TRDMT1: variants seen among roughly 807,000 people sequenced by gnomAD.
TRDMT1 encodes the protein tRNA aspartic acid methyltransferase 1.
A neutral mutation model predicts 51.2 loss-of-function variants in TRDMT1; 49 were observed. That is an observed-to-expected ratio of 0.96 (90% confidence interval 0.76 to 1.21). The LOEUF (loss-of-function observed/expected upper bound fraction) is 1.21. Among genes scored for constraint, TRDMT1 ranks in the 50% most tolerant of loss-of-function variants. TRDMT1 has a pLI of 0.00. For missense variants in TRDMT1, 534 were observed against 462.3 expected (o/e 1.16, Z -1.42); for synonymous variants, 187 against 164.6 (o/e 1.14, Z -1.04).
chr10:17,160,637 A>AT (rs1160098227), intron 5 of TRDMT1, among the ~76,000 whole-genome samples: 4 of 151,728 alleles, frequency 2.6e-5, no homozygotes, highest in Admixed American at 6.6e-5. Flanking sequence ...CGCCTGGCTA[A>AT]TTTTTTTGTA....
rs1837678091 is a variant in TRDMT1, at chr10:17,141,417, C to T, written c.*7623G>A. On this transcript the variant is annotated 3_prime_UTR_variant, in exon 11 of 11. Coordinates refer to ENST00000377799, the MANE Select transcript of TRDMT1 (RefSeq NM_004412.7). ...CCTTATGATCTGCCCCCCTTCGCCT[C>T]CTAAAGTGCTGGGATTACAGGTGTC... is the stretch of plus-strand genomic sequence containing the variant. Among the ~76,000 whole-genome samples, 1 of 152,152 alleles carries T rather than the reference C, an allele frequency of 6.6e-6. No homozygotes were observed. Among genetic ancestry groups the T allele is most frequent in the East Asian group, 1.9e-4 (1 of 5,200 alleles).
At chr10:17,169,496 C>T in intron 2 of TRDMT1, 1 of 1,289,736 alleles carries the variant, frequency 7.8e-7, no homozygotes, top group Non-Finnish European at 1.0e-6. Flanking sequence ...AAAAGAATTC[C>T]TAATGGGCTA....
intron 1 of TRDMT1, among the ~76,000 whole-genome samples, chr10:17,195,507 G>A (rs902401537): frequency 6.6e-6 from 1 of 152,064 alleles, no homozygotes; most frequent in Non-Finnish European, 1.5e-5. Flanking sequence ...ACTATGCTCA[G>A]TGCCTGGGTG....
intron 1 of TRDMT1, among the ~76,000 whole-genome samples, chr10:17,189,143 C>G (rs1564338018): frequency 6.6e-6 from 1 of 152,130 alleles, no homozygotes; most frequent in East Asian, 1.9e-4. Context: ...AGGCCATACT[C>G]TCTTTCTGAA....
rs1232406263 is a variant in TRDMT1 at position 17,160,300 on chromosome 10, C to G, written c.459+5G>C. 2 of 1,513,804 alleles carry G rather than the reference C, an allele frequency of 1.3e-6. No individual in the cohort carries two copies. Among genetic ancestry groups the G allele is most frequent in the Non-Finnish European group, 8.9e-7 (1 of 1,129,782 alleles). 93.8% of individuals were successfully genotyped at this position (1,513,804 alleles called of 1,614,324 possible). ...TATATAAGCATTTATAACTGTGATA[C>G]CTACAGAGGTTGGAGATAATAGAAA... is the stretch of plus-strand genomic sequence containing the variant. On this transcript the variant is annotated splice_donor_5th_base_variant and intron_variant, in intron 6 of 10. Coordinates refer to ENST00000377799, the MANE Select transcript of TRDMT1 (RefSeq NM_004412.7).
In TRDMT1 at chr10:17,140,577, G is replaced by T. The variant is rs981695568; in HGVS notation, c.*8463C>A. ...GAGGAAAAAAGTCAGCAGGGGAGGG[G>T]ATTATATTACATAGCATCAAGATGC... On this transcript the variant is annotated 3_prime_UTR_variant, in exon 11 of 11. Coordinates refer to ENST00000377799, the MANE Select transcript of TRDMT1 (RefSeq NM_004412.7). Among the ~76,000 whole-genome samples the T allele has an allele frequency of 6.6e-6, 1 of 152,080 alleles. No individual in the cohort carries two copies.
At chr10:17,200,873 C>T (rs1846064593) in intron 1 of TRDMT1, among the ~76,000 whole-genome samples, 1 of 152,126 alleles carries the variant, frequency 6.6e-6, no homozygotes, top group South Asian at 2.1e-4. Context: ...CAGGCACTAA[C>T]AAGCACTTGA....
At chr10:17,188,393 A>T (rs1310109993) in intron 1 of TRDMT1, among the ~76,000 whole-genome samples, 1 of 152,172 alleles carries the variant, frequency 6.6e-6, no homozygotes, top group Non-Finnish European at 1.5e-5. Flanking sequence ...ATTTTCAGCA[A>T]GTATTTCCTG....
chr10:17,158,191 T>C (rs938783034), intron 7 of TRDMT1, among the ~76,000 whole-genome samples: 2 of 152,070 alleles, frequency 1.3e-5, no homozygotes, highest in African/African-American at 2.4e-5. Context: ...AACCAAAACA[T>C]AGCTATGATC....
Position 17,148,346 on chromosome 10 carries a change from A to G in TRDMT1, c.*694T>C. On this transcript the variant is annotated 3_prime_UTR_variant, in exon 11 of 11. Coordinates refer to ENST00000377799, the MANE Select transcript of TRDMT1 (RefSeq NM_004412.7). ...GAGAAGACAAAAACAAGCTTTGATA[A>G]TAGTCAACTAAAGGAAAGTACATAC... 1.0e-6 allele frequency: 1 copy of G among 985,450 alleles called. No homozygotes were observed. Among genetic ancestry groups the G allele is most frequent in the Non-Finnish European group, 1.2e-6 (1 of 829,936 alleles). 61.0% of individuals were successfully genotyped at this position (985,450 alleles called of 1,614,324 possible).
intron 1 of TRDMT1, 82 bp downstream of exon 1, chr10:17,201,489 G>A (rs1163291769): frequency 1.4e-6 from 2 of 1,454,138 alleles, no homozygotes; most frequent in Non-Finnish European, 1.9e-6. Flanking sequence ...CTTGCGTCTC[G>A]CCGCTCCGCC....
At chr10:17,177,507 A>C (rs1178421860) in intron 1 of TRDMT1, among the ~76,000 whole-genome samples, 1 of 152,062 alleles carries the variant, frequency 6.6e-6, no homozygotes, top group Non-Finnish European at 1.5e-5. Flanking sequence ...TGGCTGAAAA[A>C]CACAGTACAA....
intron 4 of TRDMT1, 22 bp from the exon 5 acceptor site, chr10:17,161,570 G>A: frequency 2.6e-6 from 3 of 1,174,122 alleles, no homozygotes; most frequent in South Asian, 1.6e-5. Flanking sequence ...TAAACAAATG[G>A]AATTCTAAAT....
chr10:17,155,579 T>C (rs1234065043), intron 8 of TRDMT1, among the ~76,000 whole-genome samples: 1 of 152,118 alleles, frequency 6.6e-6, no homozygotes, highest in Non-Finnish European at 1.5e-5. Flanking sequence ...ATCACTTTCA[T>C]ACAACAATCA....
In TRDMT1 at chr10:17,144,479, T is replaced by C. The variant is rs1837936402; in HGVS notation, c.*4561A>G. ...CATATTTATAGGAAAAATGAGATTT[T>C]GGAAGCTTTAGGAGTCAAGTGTGGT... On this transcript the variant is annotated 3_prime_UTR_variant, in exon 11 of 11. Coordinates refer to ENST00000377799, the MANE Select transcript of TRDMT1 (RefSeq NM_004412.7). 1.0e-6 allele frequency: 1 copy of C among 985,816 alleles called. No homozygotes were observed. The highest frequency in any genetic ancestry group is 1.2e-6 in the Non-Finnish European group (1 of 829,926). The allele number at this position is 985,816 out of a possible 1,614,324, so 61.1% of individuals were successfully genotyped here.
Position 17,146,292 on chromosome 10 carries a change from T to G in TRDMT1, c.*2748A>C, listed in dbSNP as rs1838101455. ...AAGTTGGCTGAAGGTTGGAGGTATT[T>G]TCTCATCTTTCCAGACATAGGGCAG... is the stretch of plus-strand genomic sequence containing the variant. On this transcript the variant is annotated 3_prime_UTR_variant, in exon 11 of 11. Coordinates refer to ENST00000377799, the MANE Select transcript of TRDMT1 (RefSeq NM_004412.7). The G allele has an allele frequency of 1.0e-6, 1 of 985,314 alleles. No homozygotes were observed. The allele number at this position is 985,314 out of a possible 1,614,324, so 61.0% of individuals were successfully genotyped here. A position where few individuals can be genotyped will look rare whatever the true frequency, so the allele number is the denominator to read the frequency against.
At position 17,140,293 on chromosome 10, in the gene TRDMT1, G is replaced by A. The variant is rs1837573471; in HGVS notation, c.*8747C>T. Among the ~76,000 whole-genome samples, 1 of 150,432 alleles carries A rather than the reference G, an allele frequency of 6.6e-6. No homozygotes were observed. Among genetic ancestry groups the A allele is most frequent in the Non-Finnish European group, 1.5e-5 (1 of 67,700 alleles). On this transcript the variant is annotated 3_prime_UTR_variant, in exon 11 of 11. Transcript: ENST00000377799. ...CTGGTCTTGAACTCCTGACCTCATG[G>A]TCCGTTCACTTCGACCTCCCAAAGT... is the stretch of plus-strand genomic sequence containing the variant.
Position 17,144,427 on chromosome 10 carries a change from T to C in TRDMT1, c.*4613A>G. The stretch of plus-strand genomic sequence containing the variant: ...CTATGGGAGAACTCAGTTCCTATCT[T>C]GTAATTTTTGTGAAAATTTCCGGTC... On this transcript the variant is annotated 3_prime_UTR_variant, in exon 11 of 11. Transcript: ENST00000377799. The C allele has an allele frequency of 1.0e-6, 1 of 985,630 alleles. No homozygotes were observed. Among genetic ancestry groups the C allele is most frequent in the Non-Finnish European group, 1.2e-6 (1 of 829,918 alleles). The allele number at this position is 985,630 out of a possible 1,614,324, so 61.1% of individuals were successfully genotyped here. A position where few individuals can be genotyped will look rare whatever the true frequency, so the allele number is the denominator to read the frequency against.
intron 2 of TRDMT1, among the ~76,000 whole-genome samples, chr10:17,174,190 A>G (rs1842372489): frequency 2.0e-5 from 3 of 152,240 alleles, no homozygotes; most frequent in South Asian, 2.1e-4. Context: ...GTAAAAGCCA[A>G]TGATTTTCTC....
Sources: allele counts gnomAD v4.1 joint callset (sites outside exome capture counted in the v4.1 genomes callset), GRCh38; gene constraint gnomAD v4.1.1; transcripts MANE v1.5; gene names NCBI Gene and HGNC (gene_info 2026-07-23, HGNC 2026-07-21).